DISP1: variants seen among roughly 807,000 people sequenced by gnomAD.
The protein encoded by DISP1 is protein dispatched homolog 1.
A neutral mutation model predicts 37.3 loss-of-function variants in DISP1; 30 were observed. That is an observed-to-expected ratio of 0.80 (90% CI 0.60 to 1.09). DISP1 has a LOEUF of 1.09. DISP1 is among the 50% of genes least tolerant of loss of function. The pLI is 0.00. For synonymous variants in DISP1, 634 were observed against 690.2 expected (o/e 0.92, Z 1.28); for missense variants, 1,598 against 1,879.5 (o/e 0.85, Z 2.77).
chr1:223,005,933 G>A lies in DISP1; in HGVS notation c.4536G>A (p.Ser1512=), dbSNP rs760299769. The change falls in exon 9 of 9, where the codon TCG becomes TCA. Residue 1512 remains serine (S), a synonymous_variant. Coordinates refer to ENST00000675850, the MANE Select transcript of DISP1 (RefSeq NM_001377229.1). ...ATGTGCCTGCTGTATTAACACACTC[G>A]GAACTTTCTGGTGAAAGTTTGTTAA... ...EANVPAVLTH[S]ELSGESLLIK... 17 of 1,613,818 alleles carry A rather than the reference G, an allele frequency of 1.1e-5. No homozygotes were observed. Among genetic ancestry groups the A allele is most frequent in the Non-Finnish European group, 1.4e-5 (16 of 1,180,026 alleles).
chr1:222,888,026 T>C (rs570451902), intron 1 of DISP1, among the ~76,000 whole-genome samples: 2 of 152,340 alleles, frequency 1.3e-5, no homozygotes, highest in East Asian at 3.9e-4. Flanking sequence ...ATGTTGACTG[T>C]AGAAGTTTCA....
Position 222,893,571 on chromosome 1 carries a change from G to T in DISP1, c.-158-34859G>T, listed in dbSNP as rs116019606. 6.6e-6 allele frequency among the ~76,000 whole-genome samples: 1 copy of T among 152,352 alleles called. No homozygotes were observed. Among genetic ancestry groups the T allele is most frequent in the African/African-American group, 2.4e-5 (1 of 41,588 alleles). ...ATCAGCTGCTGTGGCAGGGCGGGCA[G>T]CCCCAGGCGCCGGCACTGACTCCAT... is the stretch of plus-strand genomic sequence containing the variant. On this transcript the variant is annotated intron_variant, in intron 1 of 8. Transcript: ENST00000675850. This position sits in a 1 kb window ranked among gnomAD's most constrained non-coding sequence, Gnocchi z 4.3.
intron 1 of DISP1, among the ~76,000 whole-genome samples, chr1:222,919,765 A>T (rs1672707915): frequency 6.6e-6 from 1 of 152,224 alleles, no homozygotes; most frequent in African/African-American, 2.4e-5. Context: ...TTAGTGAAAT[A>T]TCTAACCCTA....
intron 3 of DISP1, among the ~76,000 whole-genome samples, chr1:222,952,102 A>G (rs1028245693): frequency 2.6e-5 from 4 of 152,174 alleles, no homozygotes; most frequent in African/African-American, 9.7e-5. Flanking sequence ...TTTTATATAA[A>G]TTGTTGACTC....
chr1:222,845,618 A>G (rs1415397747), intron 1 of DISP1, among the ~76,000 whole-genome samples: 2 of 152,216 alleles, frequency 1.3e-5, no homozygotes, highest in Non-Finnish European at 2.9e-5. Context: ...GGATTTTTGA[A>G]CAATATGTTT....
chr1:222,838,555 G>A (rs1667390261), intron 1 of DISP1, among the ~76,000 whole-genome samples: 1 of 152,012 alleles, frequency 6.6e-6, no homozygotes, highest in African/African-American at 2.4e-5. Context: ...GATCATTTGA[G>A]GCCAGAAGTT....
At chr1:222,865,980 A>G (rs1468160872) in intron 1 of DISP1, among the ~76,000 whole-genome samples, 7 of 152,182 alleles carry the variant, frequency 4.6e-5, no homozygotes, top group Admixed American at 1.3e-4. Context: ...TACAGACACA[A>G]TAACCCAGAT....
chr1:222,837,580 T>C (rs937228135), intron 1 of DISP1, among the ~76,000 whole-genome samples: 1 of 152,148 alleles, frequency 6.6e-6, no homozygotes, highest in Non-Finnish European at 1.5e-5. Context: ...CAATGCTAAA[T>C]GTAATGATCA....
intron 3 of DISP1, among the ~76,000 whole-genome samples, chr1:222,970,664 ATT>A (rs1339209088): frequency 1.3e-5 from 2 of 152,172 alleles, no homozygotes; most frequent in African/African-American, 4.8e-5. Context: ...AACTCTCCTT[ATT>A]TTACAGAGGA....
intron 1 of DISP1, among the ~76,000 whole-genome samples, chr1:222,872,115 C>G (rs1285924828): frequency 1.3e-5 from 2 of 152,178 alleles, no homozygotes; most frequent in Admixed American, 6.5e-5. Context: ...TTGAATCAGC[C>G]TTGCATCCCA....
At chr1:222,992,172 G>A in intron 7 of DISP1, 62 bp downstream of exon 7, 1 of 1,292,750 alleles carries the variant, frequency 7.7e-7, no homozygotes, top group South Asian at 1.2e-5. Flanking sequence ...AATTGAACAT[G>A]ATCACAGTCT....
At chr1:222,883,894 C>T (rs1670423851) in intron 1 of DISP1, among the ~76,000 whole-genome samples, 1 of 152,138 alleles carries the variant, frequency 6.6e-6, no homozygotes, top group Non-Finnish European at 1.5e-5. Context: ...GAAGGCATTC[C>T]ATTTATATTT....
At chr1:222,921,560 T>C (rs1054826165) in intron 1 of DISP1, among the ~76,000 whole-genome samples, 2 of 152,224 alleles carry the variant, frequency 1.3e-5, no homozygotes, top group Non-Finnish European at 2.9e-5. Context: ...TTCCTTATTA[T>C]TCAGTAGCAG....
intron 1 of DISP1, among the ~76,000 whole-genome samples, chr1:222,906,638 T>C (rs1048160090): frequency 6.6e-6 from 1 of 152,218 alleles, no homozygotes; most frequent in African/African-American, 2.4e-5. Flanking sequence ...CATGACAGTT[T>C]ACAAATGCCA....
At chr1:222,888,091 G>T (rs1364434982) in intron 1 of DISP1, among the ~76,000 whole-genome samples, 2 of 152,158 alleles carry the variant, frequency 1.3e-5, no homozygotes, top group East Asian at 3.9e-4. Context: ...TTAGGAGCAG[G>T]TTGCATTTCA....
intron 1 of DISP1, among the ~76,000 whole-genome samples, chr1:222,885,072 C>T (rs1572422777): frequency 1.3e-5 from 2 of 152,114 alleles, no homozygotes; most frequent in East Asian, 3.9e-4. Context: ...TCGTGATCCG[C>T]CCGCCTCGGC....
intron 1 of DISP1, among the ~76,000 whole-genome samples, chr1:222,887,744 C>T (rs183508151): frequency 0.023 from 2,562 of 111,490 alleles, 295 homozygotes; most frequent in Non-Finnish European, 0.036. Context: ...ATGATCCACC[C>T]GCCTCGGCCT....
chr1:222,914,450 C>T (rs1317568317), intron 1 of DISP1, among the ~76,000 whole-genome samples: 2 of 152,064 alleles, frequency 1.3e-5, no homozygotes, highest in East Asian at 3.9e-4. Flanking sequence ...GATGTGTTAC[C>T]AGGACCTTAC....
intron 1 of DISP1, among the ~76,000 whole-genome samples, chr1:222,861,026 A>C (rs1340458654): frequency 6.6e-6 from 1 of 152,240 alleles, no homozygotes; most frequent in East Asian, 1.9e-4. Flanking sequence ...TAATGGCACC[A>C]GGCCACATCA....
Sources: gnomAD v4.1 joint callset for allele counts (sites outside exome capture counted in the v4.1 genomes callset) on GRCh38, gnomAD v4.1.1 for gene constraint, Gnocchi (gnomAD v3.1) non-coding constraint, MANE v1.5 for transcripts, NCBI Gene and HGNC (gene_info 2026-07-23, HGNC 2026-07-21) for gene names.